Variants in SYT9 observed in about 807,000 individuals in gnomAD.
SYT9 encodes synaptotagmin 9.
Under a neutral mutation model 48.4 loss-of-function variants are expected in SYT9, and 22 were observed. The ratio of observed to expected loss-of-function variants is 0.45; its 90% CI spans 0.32 to 0.65. The LOEUF (loss-of-function observed/expected upper bound fraction) is 0.65, where lower values mean the gene tolerates loss of function less well. Ranked by LOEUF, SYT9 falls within the 30% of genes least tolerant of loss-of-function variation. The pLI, the probability that SYT9 is intolerant of heterozygous loss-of-function variation, is 0.03. For missense variants in SYT9, 577 were observed against 622.0 expected (o/e 0.93, Z 0.77); for synonymous variants, 265 against 245.0 (o/e 1.08, Z -0.76).
chr11:7,241,182 A>T (rs1847735643), intron 1 of SYT9, among the ~76,000 whole-genome samples: 1 of 151,618 alleles, frequency 6.6e-6, no homozygotes, highest in South Asian at 2.1e-4. Flanking sequence ...TCTATTCCCA[A>T]CAAGAAGGAA....
chr11:7,355,294 G>A (rs902205994), intron 3 of SYT9, among the ~76,000 whole-genome samples: 1 of 152,182 alleles, frequency 6.6e-6, no homozygotes, highest in Non-Finnish European at 1.5e-5. Context: ...CCTCAGCTTT[G>A]TGGGAGGCCA....
intron 3 of SYT9, among the ~76,000 whole-genome samples, chr11:7,387,743 C>T (rs555945073): frequency 1.3e-5 from 2 of 152,198 alleles, no homozygotes; most frequent in African/African-American, 2.4e-5. Flanking sequence ...GTTTGGATGC[C>T]TGATTTCATC....
chr11:7,414,463 C>T (rs904834285), intron 3 of SYT9, among the ~76,000 whole-genome samples: 1 of 152,232 alleles, frequency 6.6e-6, no homozygotes, highest in African/African-American at 2.4e-5. Flanking sequence ...CTTCCCTCTT[C>T]AGTAAGGGCA....
chr11:7,388,907 G>A (rs910909367), intron 3 of SYT9, among the ~76,000 whole-genome samples: 4 of 152,098 alleles, frequency 2.6e-5, no homozygotes, highest in Admixed American at 6.6e-5. Context: ...TGGTCTCCGG[G>A]TGAAAATGTG....
intron 6 of SYT9, among the ~76,000 whole-genome samples, chr11:7,446,429 G>C (rs919641699): frequency 9.2e-5 from 14 of 152,138 alleles, no homozygotes; most frequent in African/African-American, 3.1e-4. Flanking sequence ...GAGGTTTATG[G>C]AGTCTTGGCC....
rs148411096 is a variant in SYT9, at chr11:7,447,626, A to G, written c.1468-19166A>G. ...TTGTGTTGGTTTTACTGAATCAACTATGAGTTCCCTGAGAACAGATACTGT... is the reference window on the plus strand; with the variant it reads ...TTGTGTTGGTTTTACTGAATCAACTGTGAGTTCCCTGAGAACAGATACTGT... On this transcript the variant is annotated intron_variant, in intron 6 of 6. Transcript: ENST00000318881. Among the ~76,000 whole-genome samples, 12 of 152,346 alleles carry G rather than the reference A, an allele frequency of 7.9e-5. No homozygotes were observed. In the East Asian group the frequency reaches 1.9e-3, roughly 24 times the overall value.
chr11:7,409,949 GA>G, intron 3 of SYT9, among the ~76,000 whole-genome samples: 1 of 152,000 alleles, frequency 6.6e-6, no homozygotes, highest in Non-Finnish European at 1.5e-5. Flanking sequence ...TTGTTTGTTT[GA>G]AATCTTTCTA....
chr11:7,349,519 G>A (rs1164727177), intron 3 of SYT9, among the ~76,000 whole-genome samples: 1 of 152,084 alleles, frequency 6.6e-6, no homozygotes, highest in African/African-American at 2.4e-5. Flanking sequence ...TGGGCTGCGG[G>A]CAGGGGTCAT....
chr11:7,372,763 G>A (rs1850386119), intron 3 of SYT9, among the ~76,000 whole-genome samples: 1 of 151,974 alleles, frequency 6.6e-6, no homozygotes, highest in South Asian at 2.1e-4. Flanking sequence ...GCAATTATAT[G>A]CTCTTTGAAA....
intron 3 of SYT9, among the ~76,000 whole-genome samples, chr11:7,339,541 G>T (rs1054003248): frequency 6.6e-6 from 1 of 152,094 alleles, no homozygotes; most frequent in Non-Finnish European, 1.5e-5. Flanking sequence ...TTGTAAGGCA[G>T]GTCTGGTGAT....
chr11:7,304,424 G>A (rs1848997568), intron 2 of SYT9, among the ~76,000 whole-genome samples: 1 of 152,180 alleles, frequency 6.6e-6, no homozygotes, highest in African/African-American at 2.4e-5. Flanking sequence ...CCTGAGTGAT[G>A]GCCAGAGAAA....
chr11:7,442,505 T>C lies in SYT9; in HGVS notation c.1467+21870T>C, dbSNP rs538837567. ...CCAACACTGTGACTCTAGACTATCTTGCTGGGAATCGGGATTTCAGCTCCT... is the reference window on the plus strand; with the variant it reads ...CCAACACTGTGACTCTAGACTATCTCGCTGGGAATCGGGATTTCAGCTCCT... On this transcript the variant is annotated intron_variant, in intron 6 of 6. Coordinates refer to ENST00000318881, the MANE Select transcript of SYT9 (RefSeq NM_175733.4). 1.2e-4 allele frequency among the ~76,000 whole-genome samples: 18 copies of C among 152,318 alleles called. 1 individual carries two copies. The Middle Eastern group carries it at 0.014, about 115-fold the overall frequency.
chr11:7,449,322 C>CAAAA (rs759372659), intron 6 of SYT9, among the ~76,000 whole-genome samples: 5 of 44,760 alleles, frequency 1.1e-4, no homozygotes, highest in African/African-American at 2.6e-4. Flanking sequence ...GACTCCACCT[C>CAAAA]AAAAAAAAAA....
chr11:7,359,785 C>A (rs1850095573), intron 3 of SYT9, among the ~76,000 whole-genome samples: 1 of 145,626 alleles, frequency 6.9e-6, no homozygotes, highest in South Asian at 2.4e-4. Flanking sequence ...CGAAAATTTT[C>A]TCCCATTTTG....
At chr11:7,292,348 A>T (rs1199046656) in intron 1 of SYT9, among the ~76,000 whole-genome samples, 2 of 152,228 alleles carry the variant, frequency 1.3e-5, no homozygotes, top group African/African-American at 4.8e-5. Context: ...AAGCTTAAAA[A>T]GAATTTCAGC....
At chr11:7,387,144 G>A (rs1307790784) in intron 3 of SYT9, among the ~76,000 whole-genome samples, 2 of 152,112 alleles carry the variant, frequency 1.3e-5, no homozygotes, top group Non-Finnish European at 2.9e-5. Context: ...ACCAGGGCCT[G>A]TTGTGGGGTG....
At chr11:7,409,476 T>G (rs1011484978) in intron 3 of SYT9, among the ~76,000 whole-genome samples, 1 of 152,160 alleles carries the variant, frequency 6.6e-6, no homozygotes, top group African/African-American at 2.4e-5. Flanking sequence ...TTTGGTAAAT[T>G]TCAGCTGTTC....
intron 3 of SYT9, among the ~76,000 whole-genome samples, chr11:7,324,804 C>T (rs955007427): frequency 4.0e-5 from 6 of 151,830 alleles, no homozygotes; most frequent in Non-Finnish European, 5.9e-5. Flanking sequence ...TGTTCTCTTA[C>T]ACATCAGTTT....
At chr11:7,330,614 A>G (rs373478276) in intron 3 of SYT9, among the ~76,000 whole-genome samples, 61 of 152,356 alleles carry the variant, frequency 4.0e-4, no homozygotes, top group African/African-American at 1.4e-3. Context: ...ATAGATAAGA[A>G]TAATCAATAG....
Sources: allele counts gnomAD v4.1 joint callset (sites outside exome capture counted in the v4.1 genomes callset), GRCh38; gene constraint gnomAD v4.1.1; transcripts MANE v1.5; gene names NCBI Gene and HGNC (gene_info 2026-07-23, HGNC 2026-07-21).